Variants in ATP2B1 observed in about 807,000 individuals in gnomAD.
ATP2B1 encodes the protein plasma membrane calcium-transporting ATPase 1.
ATP2B1 carries 14 observed loss-of-function variants against 124.2 expected under a neutral mutation model. The observed-to-expected ratio is 0.11, with a 90% CI of 0.07 to 0.18. The LOEUF (loss-of-function observed/expected upper bound fraction) is 0.18, where lower values mean the gene tolerates loss of function less well. ATP2B1 is among the 10% of genes least tolerant of loss of function. The pLI is 1.00. For synonymous variants in ATP2B1, 449 were observed against 492.4 expected, an observed-to-expected ratio of 0.91 and a Z score of 1.17; for missense variants, 763 against 1,466.1, an observed-to-expected ratio of 0.52 and a Z score of 7.83.
intron 1 of ATP2B1, among the ~76,000 whole-genome samples, chr12:89,670,986 CTCA>C (rs1444661159): frequency 1.3e-5 from 2 of 149,670 alleles, no homozygotes; most frequent in Middle Eastern, 7.0e-3. Context: ...GGGCTCAGAC[CTCA>C]TCAACTGACT....
chr12:89,607,417 T>G (rs914975442), intron 15 of ATP2B1, among the ~76,000 whole-genome samples: 1 of 152,156 alleles, frequency 6.6e-6, no homozygotes, highest in African/African-American at 2.4e-5. Context: ...AGTCAAGGAC[T>G]TCTGCCTGAG....
chr12:89,644,539 A>G (rs1165964286), intron 2 of ATP2B1, among the ~76,000 whole-genome samples: 1 of 151,976 alleles, frequency 6.6e-6, no homozygotes, highest in African/African-American at 2.4e-5. Flanking sequence ...CAGTTGAAAA[A>G]AAAAAAGAAA....
intron 15 of ATP2B1, among the ~76,000 whole-genome samples, chr12:89,605,819 A>C (rs148355766): frequency 0.012 from 1,896 of 152,318 alleles, 40 homozygotes; most frequent in African/African-American, 0.043. Flanking sequence ...GCAAACAGCG[A>C]GTGCAGATTA....
rs1271892989 is a variant in ATP2B1, at chr12:89,677,963, T to C, written c.-221-21856A>G. On this transcript the variant is annotated intron_variant, in intron 1 of 20. Coordinates refer to ENST00000428670, the MANE Select transcript of ATP2B1 (RefSeq NM_001366521.1). Reference sequence around the variant, plus strand: ...TGGGGGCATGCAGGAATTATATATATATATATATACACACACACACACACA... The same window carrying C: ...TGGGGGCATGCAGGAATTATATATACATATATATACACACACACACACACA... Among the ~76,000 whole-genome samples the C allele has an allele frequency of 1.6e-3, 162 of 100,882 alleles. 6 individuals are homozygous for C. Among genetic ancestry groups the C allele is most frequent in the Middle Eastern group, 4.5e-3 (1 of 220 alleles). 66.2% of individuals were successfully genotyped at this position (100,882 alleles called of 152,430 possible). A position where few individuals can be genotyped will look rare whatever the true frequency, so the allele number is the denominator to read the frequency against.
intron 1 of ATP2B1, among the ~76,000 whole-genome samples, chr12:89,676,714 C>T (rs1259134711): frequency 1.3e-5 from 2 of 152,078 alleles, no homozygotes; most frequent in African/African-American, 4.8e-5. Context: ...TTTTACTTAA[C>T]TGAGTATAAA....
At chr12:89,661,950 T>C (rs189992026) in intron 1 of ATP2B1, among the ~76,000 whole-genome samples, 99 of 152,312 alleles carry the variant, frequency 6.5e-4, no homozygotes, top group Non-Finnish European at 1.3e-3. Flanking sequence ...CAGCAGTGAT[T>C]CTCAATCAGT....
At chr12:89,637,535 C>G (rs1185472877) in intron 3 of ATP2B1, among the ~76,000 whole-genome samples, 1 of 151,552 alleles carries the variant, frequency 6.6e-6, no homozygotes, top group African/African-American at 2.4e-5. Context: ...GTAGCTTAGA[C>G]CACAAGGCGC....
chr12:89,610,194 C>G (rs1877729389), intron 14 of ATP2B1, 151 bp from the exon 15 acceptor site: 2 of 825,682 alleles, frequency 2.4e-6, no homozygotes, highest in Non-Finnish European at 3.7e-6. Flanking sequence ...GGGTGAGAAC[C>G]TACTTCAGAA....
rs185615818 is a variant in ATP2B1 at position 89,652,286 on chromosome 12, T to C, written c.208+3393A>G. On this transcript the variant is annotated intron_variant, in intron 2 of 20. Transcript: ENST00000428670. ...ATATTCTTACATAAAGTCTCTAAAA[T>C]TGTGATGATTTAATTATACACCAAC... 3.4e-4 allele frequency among the ~76,000 whole-genome samples: 51 copies of C among 148,850 alleles called. 1 individual carries two copies. The highest frequency in any genetic ancestry group is 1.3e-3 in the African/African-American group (51 of 40,166).
At chr12:89,665,362 A>G (rs774010910) in intron 1 of ATP2B1, among the ~76,000 whole-genome samples, 7 of 152,204 alleles carry the variant, frequency 4.6e-5, no homozygotes, top group Non-Finnish European at 1.0e-4. Context: ...TACTTTAAAC[A>G]CCTAAAAAAA....
intron 1 of ATP2B1, among the ~76,000 whole-genome samples, chr12:89,658,643 G>GAGAGAGAGAT (rs1886294800): frequency 3.5e-5 from 5 of 142,890 alleles, no homozygotes; most frequent in South Asian, 2.2e-4. Context: ...GAGAGAGAGA[G>GAGAGAGAGAT]AGAGATAGAG....
intron 7 of ATP2B1, among the ~76,000 whole-genome samples, 155 bp from the exon 8 acceptor site, chr12:89,626,770 A>G (rs1880942029): frequency 6.6e-6 from 1 of 152,208 alleles, no homozygotes; most frequent in Non-Finnish European, 1.5e-5. Flanking sequence ...CACAGAGAAA[A>G]TAAGACAATA....
intron 2 of ATP2B1, among the ~76,000 whole-genome samples, chr12:89,650,182 A>G (rs558781945): frequency 6.6e-6 from 1 of 152,308 alleles, no homozygotes; most frequent in African/African-American, 2.4e-5. Flanking sequence ...AGCCAAACTG[A>G]CTTTTCTAAG....
chr12:89,608,884 C>A (rs749391251), intron 15 of ATP2B1, among the ~76,000 whole-genome samples: 32 of 152,126 alleles, frequency 2.1e-4, no homozygotes, highest in Non-Finnish European at 4.1e-4. Flanking sequence ...TTCAGAAGCT[C>A]CTACCAATGC....
At chr12:89,627,598 T>G (rs1476891118) in intron 7 of ATP2B1, 80 bp downstream of exon 7, 1 of 1,493,642 alleles carries the variant, frequency 6.7e-7, no homozygotes, top group Admixed American at 1.8e-5. Flanking sequence ...TGTATCTTAC[T>G]TTTGAATAAA....
At chr12:89,682,654 A>G (rs1889500395) in intron 1 of ATP2B1, among the ~76,000 whole-genome samples, 1 of 152,222 alleles carries the variant, frequency 6.6e-6, no homozygotes, top group Non-Finnish European at 1.5e-5. Flanking sequence ...ACTACTGAAC[A>G]GTCATTCAAA....
intron 8 of ATP2B1, among the ~76,000 whole-genome samples, chr12:89,626,135 AAATAT>A (rs1404268425): frequency 3.3e-5 from 5 of 152,222 alleles, no homozygotes; most frequent in African/African-American, 1.2e-4. Context: ...AATTTTATTA[AAATAT>A]AATTAGTTCA....
chr12:89,597,066 T>A (rs1237047289), intron 20 of ATP2B1, among the ~76,000 whole-genome samples: 1 of 152,118 alleles, frequency 6.6e-6, no homozygotes, highest in Non-Finnish European at 1.5e-5. Context: ...TCCAACTACT[T>A]TTTTTTGTCC....
chr12:89,634,665 A>G (rs1882404792), intron 5 of ATP2B1, 113 bp downstream of exon 5: 1 of 1,200,460 alleles, frequency 8.3e-7, no homozygotes, highest in Admixed American at 2.9e-5. Context: ...AGAAGGTAGC[A>G]TAAAATACAG....
Sources: gnomAD v4.1 joint callset for allele counts (sites outside exome capture counted in the v4.1 genomes callset) on GRCh38, gnomAD v4.1.1 for gene constraint, MANE v1.5 for transcripts, NCBI Gene and HGNC (gene_info 2026-07-23, HGNC 2026-07-21) for gene names.